PRDM10: variants seen among roughly 807,000 people sequenced by gnomAD.
PRDM10 encodes PR domain zinc finger protein 10.
In PRDM10, 65 loss-of-function variants were observed where a neutral mutation model predicts 133.1. The observed-to-expected ratio is 0.49, with a 90% CI of 0.40 to 0.60. PRDM10 has a LOEUF of 0.60. Among genes scored for constraint, PRDM10 ranks in the 20% least tolerant of loss-of-function variants. The pLI is 0.00. For synonymous variants in PRDM10, 582 were observed against 580.4 expected (o/e 1.00, Z -0.04); for missense variants, 1,137 against 1,507.1 (o/e 0.75, Z 4.07).
At chr11:129,989,540 G>A (rs192489992) in intron 1 of PRDM10, among the ~76,000 whole-genome samples, 17 of 152,076 alleles carry the variant, frequency 1.1e-4, no homozygotes, top group Non-Finnish European at 1.6e-4. Flanking sequence ...TAATTAAGTA[G>A]GAGACTTTCA....
intron 1 of PRDM10, among the ~76,000 whole-genome samples, chr11:129,970,530 A>G (rs1951996840): frequency 6.6e-6 from 1 of 151,642 alleles, no homozygotes. Context: ...GAACCATGTA[A>G]CAATCATACC....
chr11:129,914,778 T>G lies in PRDM10; in HGVS notation c.2767A>C (p.Ile923Leu), dbSNP rs764489350. The change falls in exon 17 of 21, where the codon ATC (isoleucine) becomes CTC (leucine). Residue 923 changes from isoleucine to leucine, a missense_variant. By Grantham distance (5) the Ile-to-Leu change is conservative (BLOSUM62 2). Around this residue, in one of 6 missense-constraint regions of PRDM10, gnomAD observed 113 missense variants for 143.7 expected, o/e 0.79. Coordinates refer to ENST00000360871, the MANE Select transcript of PRDM10 (RefSeq NM_199437.2). ...PQGDYQRIQY[I>L]PVSQSASGLQ... ...CCAGACGCCGACTGCGACACAGGGA[T>G]GTACTGAATTCTCTGGTAATCCCCT... is the stretch of plus-strand genomic sequence containing the variant. 6 of 1,614,224 alleles carry G rather than the reference T, an allele frequency of 3.7e-6. No homozygotes were observed. In the Admixed American group the frequency reaches 6.7e-5, roughly 18 times the overall value.
Position 129,910,567 on chromosome 11 carries a change from C to T in PRDM10, c.3072G>A (p.Gly1024=), listed in dbSNP as rs753657875. 1.9e-6 allele frequency: 3 copies of T among 1,613,974 alleles called. No individual in the cohort carries two copies. The Admixed American group carries it at 5.0e-5, about 27-fold the overall frequency. ...SHIQGSSSTQ[G]QALQQQQQQQ... ...GCTGCTGCTGCTGCTGCAGAGCCTGCCCCTGTGTGGAAGAACTGCCCTGGA... is the reference window on the plus strand; with the variant it reads ...GCTGCTGCTGCTGCTGCAGAGCCTGTCCCTGTGTGGAAGAACTGCCCTGGA... The change falls in exon 19 of 21, where the codon GGG becomes GGA. Residue 1024 remains glycine, a synonymous_variant. Coordinates refer to ENST00000360871, the MANE Select transcript of PRDM10 (RefSeq NM_199437.2).
At chr11:130,002,375 A>C (rs927225653) in intron 1 of PRDM10, among the ~76,000 whole-genome samples, 24 of 152,000 alleles carry the variant, frequency 1.6e-4, no homozygotes, top group Non-Finnish European at 2.6e-4. Context: ...CGAGACGCCG[A>C]GGCCGGCGCT....
chr11:129,982,974 T>C (rs1381459590), intron 1 of PRDM10, among the ~76,000 whole-genome samples: 1 of 151,922 alleles, frequency 6.6e-6, no homozygotes, highest in Admixed American at 6.6e-5. Context: ...TAAAAGTCTT[T>C]AAAAAATTTT....
At chr11:129,957,555 G>C (rs1591661015) in intron 3 of PRDM10, among the ~76,000 whole-genome samples, 191 bp downstream of exon 3, 1 of 152,250 alleles carries the variant, frequency 6.6e-6, no homozygotes, top group East Asian at 1.9e-4. Flanking sequence ...CTGACCTCAT[G>C]ATCCACCTGC....
intron 1 of PRDM10, among the ~76,000 whole-genome samples, chr11:129,975,184 T>C (rs1400330552): frequency 6.6e-6 from 1 of 152,188 alleles, no homozygotes. Context: ...CCCAGCACTT[T>C]GGGAGGCCGA....
chr11:129,916,987 T>C (rs946452535), intron 15 of PRDM10, 140 bp downstream of exon 15: 1 of 555,686 alleles, frequency 1.8e-6, no homozygotes, highest in African/African-American at 2.0e-5. Context: ...TCCTTTCTTG[T>C]CTGAATGGAG....
intron 4 of PRDM10, 123 bp downstream of exon 4, chr11:129,955,389 G>C (rs1474482187): frequency 2.4e-5 from 20 of 848,912 alleles, no homozygotes; most frequent in Non-Finnish European, 3.4e-5. Context: ...AAAGGAGCTG[G>C]AGAACATTCT....
intron 11 of PRDM10, 87 bp from the exon 12 acceptor site, chr11:129,925,316 C>T: frequency 8.0e-7 from 1 of 1,256,792 alleles, no homozygotes; most frequent in Non-Finnish European, 1.1e-6. Context: ...AGAGGATGAT[C>T]TCTGCAATCA....
Position 129,968,586 on chromosome 11 carries a change from G to A in PRDM10, c.-118-7504C>T, listed in dbSNP as rs115125375. On this transcript the variant is annotated intron_variant, in intron 1 of 20. Transcript: ENST00000360871. ...CTCTCTGATATTACCCTGAGCTCCCGCCACCCACCCCGCAATCCTACCCCC... is the reference window on the plus strand; with the variant it reads ...CTCTCTGATATTACCCTGAGCTCCCACCACCCACCCCGCAATCCTACCCCC... Among the ~76,000 whole-genome samples the A allele has an allele frequency of 3.8e-3, 557 of 147,944 alleles. 3 individuals are homozygous for A. The highest frequency in any genetic ancestry group is 0.012 in the African/African-American group (486 of 40,010).
chr11:129,940,904 T>C (rs1250112609), intron 7 of PRDM10, among the ~76,000 whole-genome samples: 1 of 152,240 alleles, frequency 6.6e-6, no homozygotes, highest in Non-Finnish European at 1.5e-5. Flanking sequence ...ATATTCTTAT[T>C]TGTTTCTCTC....
At chr11:129,963,257 T>C (rs1401879699) in intron 1 of PRDM10, among the ~76,000 whole-genome samples, 2 of 149,898 alleles carry the variant, frequency 1.3e-5, no homozygotes, top group Admixed American at 1.3e-4. Context: ...AATTACAAAA[T>C]CAGAGCCCGG....
chr11:129,971,520 C>A (rs1286111588), intron 1 of PRDM10, among the ~76,000 whole-genome samples: 1 of 151,618 alleles, frequency 6.6e-6, no homozygotes, highest in African/African-American at 2.4e-5. Flanking sequence ...GAGCTAAACA[C>A]AGGGTGCTGA....
intron 6 of PRDM10, among the ~76,000 whole-genome samples, chr11:129,943,178 G>A (rs187343898): frequency 1.3e-5 from 2 of 152,302 alleles, no homozygotes; most frequent in Non-Finnish European, 2.9e-5. Context: ...GCAAGTAGTA[G>A]AGAGGGCTGG....
At chr11:129,942,989 T>C (rs1951264336) in intron 6 of PRDM10, among the ~76,000 whole-genome samples, 1 of 152,208 alleles carries the variant, frequency 6.6e-6, no homozygotes, top group South Asian at 2.1e-4. Context: ...TTGCATTCAT[T>C]TATAATAGGC....
At chr11:129,903,909 G>A (rs527264215) in intron 20 of PRDM10, among the ~76,000 whole-genome samples, 10 of 152,174 alleles carry the variant, frequency 6.6e-5, no homozygotes, top group Non-Finnish European at 1.2e-4. Context: ...CATACACTGT[G>A]GCAGGGGGAG....
At chr11:129,975,816 C>A (rs1402085566) in intron 1 of PRDM10, among the ~76,000 whole-genome samples, 3 of 152,228 alleles carry the variant, frequency 2.0e-5, no homozygotes, top group East Asian at 1.9e-4. Flanking sequence ...GGTGGCTGCA[C>A]CAAGTGCCTT....
chr11:129,940,505 T>C (rs796696092), intron 7 of PRDM10, among the ~76,000 whole-genome samples: 35 of 152,296 alleles, frequency 2.3e-4, no homozygotes, highest in African/African-American at 7.0e-4. Context: ...AATTTAAATA[T>C]AAATAGTAGC....
Sources: allele counts gnomAD v4.1 joint callset (sites outside exome capture counted in the v4.1 genomes callset), GRCh38; gene constraint gnomAD v4.1.1; regional missense constraint gnomAD v4.1.1; transcripts MANE v1.5; gene names NCBI Gene and HGNC (gene_info 2026-07-23, HGNC 2026-07-21).